The following P4HA1 variants were observed in gnomAD, a reference collection of about 807,000 sequenced individuals.
P4HA1 encodes prolyl 4-hydroxylase subunit alpha 1, also known as prolyl 4-hydroxylase subunit alpha-1.
P4HA1 carries 24 observed loss-of-function variants against 72.8 expected under a neutral mutation model. That is an observed-to-expected ratio of 0.33 (90% CI 0.24 to 0.46). The LOEUF (loss-of-function observed/expected upper bound fraction) is 0.46. Among genes scored for constraint, P4HA1 ranks in the 20% least tolerant of loss-of-function variants. P4HA1 has a pLI of 1.00. For synonymous variants in P4HA1, 201 were observed against 218.8 expected, an observed-to-expected ratio of 0.92 and a Z score of 0.72; for missense variants, 446 against 640.6, an observed-to-expected ratio of 0.70 and a Z score of 3.28.
chr10:73,032,693 A>T (rs1460073823), intron 9 of P4HA1, among the ~76,000 whole-genome samples: 1 of 152,178 alleles, frequency 6.6e-6, no homozygotes, highest in African/African-American at 2.4e-5. Context: ...CTTAGTTACC[A>T]CTTCTTTAGA....
At position 73,027,897 on chromosome 10, in the gene P4HA1, G is replaced by A. The variant is rs916167374; in HGVS notation, c.1248+2374C>T. On this transcript the variant is annotated intron_variant, in intron 10 of 14. Coordinates refer to ENST00000394890, the MANE Select transcript of P4HA1 (RefSeq NM_001017962.3). ...GGGAGGGAGGGAGGGACAGAGGGAG[G>A]GAGGGAAGAATCAGAAATCATAGCC... Among the ~76,000 whole-genome samples the A allele has an allele frequency of 4.0e-5, 6 of 150,632 alleles. No homozygotes were observed. The East Asian group carries it at 9.8e-4, about 25-fold the overall frequency.
intron 1 of P4HA1, among the ~76,000 whole-genome samples, chr10:73,088,798 T>C (rs887668242): frequency 6.6e-6 from 1 of 152,244 alleles, no homozygotes; most frequent in Admixed American, 6.5e-5. Flanking sequence ...TTTTTCAAAA[T>C]GAATTGACAA....
intron 6 of P4HA1, among the ~76,000 whole-genome samples, chr10:73,052,971 T>C (rs1051155303): frequency 1.3e-5 from 2 of 152,238 alleles, no homozygotes; most frequent in Admixed American, 1.3e-4. Flanking sequence ...ATGATAAATA[T>C]ATTTTCAGCC....
chr10:73,094,467 C>G (rs567505574), intron 1 of P4HA1, among the ~76,000 whole-genome samples: 12 of 152,300 alleles, frequency 7.9e-5, no homozygotes, highest in Non-Finnish European at 1.3e-4. Flanking sequence ...TAGGACCACA[C>G]CTTTCATCAG....
chr10:73,031,787 C>T (rs534994142), intron 9 of P4HA1, among the ~76,000 whole-genome samples: 12 of 152,196 alleles, frequency 7.9e-5, no homozygotes, highest in East Asian at 3.9e-4. Context: ...TTTTATGATA[C>T]GGGAACTATA....
intron 9 of P4HA1, among the ~76,000 whole-genome samples, chr10:73,033,830 T>C (rs1425398120): frequency 6.6e-6 from 1 of 152,214 alleles, no homozygotes; most frequent in African/African-American, 2.4e-5. Context: ...AGCAATGGTT[T>C]AGCTATGACA....
At chr10:73,084,901 A>G (rs1841894811) in intron 1 of P4HA1, among the ~76,000 whole-genome samples, 1 of 152,154 alleles carries the variant, frequency 6.6e-6, no homozygotes, top group African/African-American at 2.4e-5. Context: ...GCACTTTGGG[A>G]GGCCAAGATG....
intron 10 of P4HA1, among the ~76,000 whole-genome samples, chr10:73,023,412 G>A (rs186010500): frequency 2.5e-3 from 378 of 152,220 alleles, no homozygotes; most frequent in African/African-American, 8.6e-3. Flanking sequence ...TCTAAATAAA[G>A]GAGAAATAAA....
In P4HA1 at chr10:73,096,534, AGGGACAGAGGT is replaced by A. The variant is rs1178787732; in HGVS notation, c.-33+221_-33+231del. Among the ~76,000 whole-genome samples the A allele has an allele frequency of 2.6e-5, 4 of 152,080 alleles. No individual in the cohort carries two copies. The East Asian group carries it at 7.7e-4, about 29-fold the overall frequency. On this transcript the variant is annotated intron_variant, in intron 1 of 14. Coordinates refer to ENST00000394890, the MANE Select transcript of P4HA1 (RefSeq NM_001017962.3). ...CAGCCCCAGCGGTCCGAGGCGCACT[AGGGACAGAGGT>A]GGGAAGGGGGGCACGAAGGAGCGCG...
chr10:73,060,579 A>G (rs78136135), intron 5 of P4HA1, among the ~76,000 whole-genome samples: 1 of 152,134 alleles, frequency 6.6e-6, no homozygotes, highest in Non-Finnish European at 1.5e-5. Context: ...GCAAGAACCT[A>G]TCTCTTAAGG....
At chr10:73,063,976 T>C (rs1453336171) in intron 5 of P4HA1, among the ~76,000 whole-genome samples, 1 of 144,890 alleles carries the variant, frequency 6.9e-6, no homozygotes, top group Non-Finnish European at 1.5e-5. Flanking sequence ...GAAAGTGGTA[T>C]GGGCAGAAAA....
chr10:73,069,050 A>AT, intron 4 of P4HA1, 67 bp from the exon 5 acceptor site: 1 of 1,190,010 alleles, frequency 8.4e-7, no homozygotes, highest in Non-Finnish European at 1.2e-6. Flanking sequence ...AAGAGACTTA[A>AT]TAAGGATTGT....
intron 7 of P4HA1, among the ~76,000 whole-genome samples, chr10:73,050,504 A>T (rs767265393): frequency 2.0e-5 from 3 of 151,988 alleles, no homozygotes; most frequent in Non-Finnish European, 4.4e-5. Flanking sequence ...GTTTGAGACC[A>T]GCCTGGCCAA....
chr10:73,088,537 T>C (rs2133164354), intron 1 of P4HA1, among the ~76,000 whole-genome samples: 1 of 152,350 alleles, frequency 6.6e-6, no homozygotes, highest in South Asian at 2.1e-4. Flanking sequence ...TCACTCTTGC[T>C]TCATCCTGGA....
At position 73,045,023 on chromosome 10, in the gene P4HA1, A is replaced by G. The variant is rs774888932; in HGVS notation, c.1106T>C (p.Ile369Thr). The G allele has an allele frequency of 9.3e-6, 15 of 1,613,538 alleles. No homozygotes were observed. The South Asian group carries it at 1.5e-4, about 17-fold the overall frequency. Reference protein sequence around the residue: ...RLRRATISNPITGDLETVHYR... With the variant: ...RLRRATISNPTTGDLETVHYR... ...ATGTACCGTCTCCAAGTCTCCTGTTATTGGGTTTGAAATGGTGGCTCGCCT... is the reference window on the plus strand; with the variant it reads ...ATGTACCGTCTCCAAGTCTCCTGTTGTTGGGTTTGAAATGGTGGCTCGCCT... Residue 369 changes from isoleucine to threonine, a missense_variant, in exon 9 of 15, where the codon ATA becomes ACA. Transcript: ENST00000394890.
rs1840875922 is a variant in P4HA1, at chr10:73,046,786, G to C, written c.1077+139C>G. 7.9e-6 allele frequency: 5 copies of C among 631,570 alleles called. No individual in the cohort carries two copies. In the Admixed American group the frequency reaches 1.2e-4, roughly 15 times the overall value. The allele number at this position is 631,570 out of a possible 1,614,324, so 39.1% of individuals were successfully genotyped here. ...AACTGGCATAAACACAGCATCATTA[G>C]TAACTCCATTATGCTGAGGCAAAAT... On this transcript the variant is annotated intron_variant, in intron 8 of 14. Coordinates refer to ENST00000394890, the MANE Select transcript of P4HA1 (RefSeq NM_001017962.3).
At chr10:73,058,774 CTTTTT>C (rs151028824) in intron 5 of P4HA1, among the ~76,000 whole-genome samples, 1 of 123,838 alleles carries the variant, frequency 8.1e-6, no homozygotes, top group Non-Finnish European at 1.7e-5. Flanking sequence ...TTATAGTATG[CTTTTT>C]TTTTTTTTTT....
chr10:73,077,776 T>C (rs1052710302), intron 1 of P4HA1, among the ~76,000 whole-genome samples: 3 of 150,176 alleles, frequency 2.0e-5, no homozygotes, highest in African/African-American at 7.4e-5. Context: ...AGCTCAGGAG[T>C]TTGAGACCAG....
At position 73,009,874 on chromosome 10, in the gene P4HA1, A is replaced by G. The variant is rs1839875722; in HGVS notation, c.1467T>C (p.Phe489=). 1.9e-6 allele frequency: 3 copies of G among 1,610,138 alleles called. No individual in the cohort carries two copies. Among genetic ancestry groups the G allele is most frequent in the Admixed American group, 1.7e-5 (1 of 59,988 alleles). The change falls in exon 14 of 15, where the codon TTT becomes TTC. Residue 489 remains phenylalanine (F), a synonymous_variant. Coordinates refer to ENST00000394890, the MANE Select transcript of P4HA1 (RefSeq NM_001017962.3). ...TACTATAATCTCCTTCTCCACTGGC[A>G]AACAGATTATACCAGAAAACAGCAG... ...KGTAVFWYNL[F]ASGEGDYSTR... is the part of the protein sequence containing the mutation.
Sources: gnomAD v4.1 joint callset for allele counts (sites outside exome capture counted in the v4.1 genomes callset) on GRCh38, gnomAD v4.1.1 for gene constraint, MANE v1.5 for transcripts, NCBI Gene and HGNC (gene_info 2026-07-23, HGNC 2026-07-21) for gene names.